The following PSPC1 variants were observed in gnomAD, a reference collection of about 807,000 sequenced individuals.
PSPC1 encodes the protein paraspeckle component 1.
PSPC1 carries 14 observed loss-of-function variants against 51.6 expected under a neutral mutation model. The observed-to-expected ratio is 0.27, with a 90% confidence interval of 0.18 to 0.42. The LOEUF is 0.42. Ranked by LOEUF, PSPC1 falls within the 10% of genes least tolerant of loss-of-function variation. The probability of loss-of-function intolerance (pLI) is 1.00; values close to 1 mark genes in which losing one functional copy is unlikely to be tolerated. For synonymous variants in PSPC1, 193 were observed against 231.9 expected (o/e 0.83, Z 1.53); for missense variants, 406 against 701.1 (o/e 0.58, Z 4.75).
intron 2 of PSPC1, among the ~76,000 whole-genome samples, chr13:19,771,723 T>G (rs1342975141): frequency 6.6e-6 from 1 of 151,404 alleles, no homozygotes; most frequent in Non-Finnish European, 1.5e-5. Flanking sequence ...CGGAGTCAAG[T>G]GATTCTTGAG....
chr13:19,731,877 T>A (rs1457464226), intron 5 of PSPC1, among the ~76,000 whole-genome samples: 1 of 152,220 alleles, frequency 6.6e-6, no homozygotes, highest in Non-Finnish European at 1.5e-5. Context: ...ACTCAAGGTG[T>A]ATGCCCTCCA....
chr13:19,763,965 T>A (rs558188198), intron 2 of PSPC1, among the ~76,000 whole-genome samples: 33 of 152,096 alleles, frequency 2.2e-4, no homozygotes, highest in Non-Finnish European at 3.8e-4. Flanking sequence ...ATCACACCAC[T>A]GCACTCCAGC....
chr13:19,752,072 T>C (rs1456488019), intron 3 of PSPC1, among the ~76,000 whole-genome samples: 1 of 151,916 alleles, frequency 6.6e-6, no homozygotes, highest in Non-Finnish European at 1.5e-5. Flanking sequence ...AAAAGAAATA[T>C]TTTACAAAGG....
At chr13:19,687,623 G>A (rs1189291852) in intron 6 of PSPC1, among the ~76,000 whole-genome samples, 1 of 151,416 alleles carries the variant, frequency 6.6e-6, no homozygotes, top group Non-Finnish European at 1.5e-5. Flanking sequence ...CCTATCATTT[G>A]GTTTTTTAAA....
downstream of PSPC1, among the ~76,000 whole-genome samples, chr13:19,673,929 T>C (rs1017760747): frequency 6.6e-6 from 1 of 152,220 alleles, no homozygotes; most frequent in Non-Finnish European, 1.5e-5. Context: ...CAGCACAGCT[T>C]ATGTGACTGA....
At chr13:19,673,393 C>T (rs982436442), downstream of PSPC1, 2 of 246,444 alleles carry the variant, frequency 8.1e-6, no homozygotes, top group Admixed American at 4.9e-5. Flanking sequence ...TACTTTACAT[C>T]CTAAAACTGC....
chr13:19,720,453 A>C (rs1386948647), intron 6 of PSPC1, among the ~76,000 whole-genome samples: 1 of 152,206 alleles, frequency 6.6e-6, no homozygotes, highest in Admixed American at 6.5e-5. Flanking sequence ...TATACAGGAG[A>C]GTATCCATTT....
At chr13:19,682,150 AAC>A (rs1379169500) in intron 6 of PSPC1, among the ~76,000 whole-genome samples, 1 of 152,248 alleles carries the variant, frequency 6.6e-6, no homozygotes, top group Non-Finnish European at 1.5e-5. Context: ...TCAATAGATG[AAC>A]AAATTATTTA....
chr13:19,772,803 A>G (rs929606053), intron 1 of PSPC1, among the ~76,000 whole-genome samples: 3 of 152,180 alleles, frequency 2.0e-5, no homozygotes, highest in African/African-American at 7.2e-5. Context: ...CCAGTTACCA[A>G]CTATTAAATA....
intron 4 of PSPC1, among the ~76,000 whole-genome samples, chr13:19,743,701 A>G (rs1179874325): frequency 6.6e-6 from 1 of 152,212 alleles, no homozygotes; most frequent in Admixed American, 6.5e-5. Flanking sequence ...TAGTTCTCAT[A>G]ATAGGCCCAT....
intron 6 of PSPC1, among the ~76,000 whole-genome samples, chr13:19,728,186 T>G (rs1023859526): frequency 6.6e-6 from 1 of 152,208 alleles, no homozygotes; most frequent in Non-Finnish European, 1.5e-5. Flanking sequence ...CTTTGTTACA[T>G]GAAATTATTA....
intron 6 of PSPC1, among the ~76,000 whole-genome samples, chr13:19,695,315 A>G (rs747726469): frequency 2.0e-5 from 3 of 152,242 alleles, no homozygotes; most frequent in Non-Finnish European, 4.4e-5. Flanking sequence ...GCAGAACATA[A>G]GTTAAGTACA....
intron 1 of PSPC1, among the ~76,000 whole-genome samples, chr13:19,775,911 C>T (rs1335287059): frequency 6.6e-6 from 1 of 151,910 alleles, no homozygotes; most frequent in African/African-American, 2.4e-5. Flanking sequence ...ATTAGCCGGA[C>T]GTGGCAGTGT....
chr13:19,673,557 G>A (rs41291235), downstream of PSPC1: 18,254 of 174,106 alleles, frequency 0.1, 1,155 homozygotes, highest in African/African-American at 0.18. Context: ...GAATCATGTA[G>A]TATATCTGAT....
intron 2 of PSPC1, among the ~76,000 whole-genome samples, 194 bp from the exon 3 acceptor site, chr13:19,759,612 G>A (rs888332671): frequency 2.0e-5 from 3 of 152,156 alleles, no homozygotes. Context: ...TGTAATCCCA[G>A]TACTTTGGGA....
chr13:19,775,166 G>A (rs1048523838), intron 1 of PSPC1, among the ~76,000 whole-genome samples: 8 of 151,806 alleles, frequency 5.3e-5, no homozygotes, highest in Admixed American at 5.3e-4. Flanking sequence ...GTGAAACCCC[G>A]TCTCTACTAA....
chr13:19,690,160 G>A (rs574670671), intron 6 of PSPC1, among the ~76,000 whole-genome samples: 2 of 152,248 alleles, frequency 1.3e-5, no homozygotes, highest in South Asian at 4.2e-4. Context: ...AAACCTGAGA[G>A]GATTAGGTAG....
At chr13:19,770,853 C>A (rs1040174417) in intron 2 of PSPC1, among the ~76,000 whole-genome samples, 6 of 151,374 alleles carry the variant, frequency 4.0e-5, no homozygotes, top group Admixed American at 2.0e-4. Flanking sequence ...GAGTCAAGAT[C>A]GCCACTGCAC....
At chr13:19,764,926 T>G (rs938202998) in intron 2 of PSPC1, among the ~76,000 whole-genome samples, 1 of 151,824 alleles carries the variant, frequency 6.6e-6, no homozygotes, top group Non-Finnish European at 1.5e-5. Flanking sequence ...TTTGTAGAGA[T>G]AGGGTTTTGC....
Sources: allele counts gnomAD v4.1 joint callset (sites outside exome capture counted in the v4.1 genomes callset), GRCh38; gene constraint gnomAD v4.1.1; transcripts MANE v1.5; gene names NCBI Gene and HGNC (gene_info 2026-07-23, HGNC 2026-07-21).